FAM161B: variants seen among roughly 807,000 people sequenced by gnomAD.
The protein encoded by FAM161B is protein FAM161B.
A neutral mutation model predicts 61.5 loss-of-function variants in FAM161B; 46 were observed. That is an observed-to-expected ratio of 0.75 (90% confidence interval 0.59 to 0.96). The LOEUF (loss-of-function observed/expected upper bound fraction) is 0.96, where lower values mean the gene tolerates loss of function less well. FAM161B is among the 40% of genes least tolerant of loss of function. The pLI, the probability that FAM161B is intolerant of heterozygous loss-of-function variation, is 0.00. For synonymous variants in FAM161B, 284 were observed against 302.7 expected (o/e 0.94, Z 0.64); for missense variants, 774 against 800.7 (o/e 0.97, Z 0.40).
At chr14:73,923,414 C>G in the FAM161B span, 1 of 1,613,128 alleles carries the variant, frequency 6.2e-7, no homozygotes, top group Non-Finnish European at 8.5e-7. Flanking sequence ...CTGAAGGATC[C>G]CCACGTTCCC....
chr14:73,929,531 A>C (rs900694310), downstream of FAM161B, among the ~76,000 whole-genome samples: 1 of 152,192 alleles, frequency 6.6e-6, no homozygotes, highest in African/African-American at 2.4e-5. Context: ...CAAGAATATC[A>C]GAGAACAACC....
intron 1 of FAM161B, among the ~76,000 whole-genome samples, chr14:73,949,504 C>T (rs2056106706): frequency 6.6e-6 from 1 of 150,622 alleles, no homozygotes; most frequent in Non-Finnish European, 1.5e-5. Context: ...AGGCGTGAGC[C>T]AGCGCGCCTG....
Position 73,944,461 on chromosome 14 carries a change from G to C in FAM161B, c.799C>G (p.Gln267Glu). The C allele has an allele frequency of 6.2e-7, 1 of 1,613,808 alleles. No individual in the cohort carries two copies. The highest frequency in any genetic ancestry group is 8.5e-7 in the Non-Finnish European group (1 of 1,179,794). ...CTCTGTCGAGCAGCTTCCTTTAGCTGCTCCTCCTTCTCCAGGAAGCTGAAG... is the reference window on the plus strand; with the variant it reads ...CTCTGTCGAGCAGCTTCCTTTAGCTCCTCCTCCTTCTCCAGGAAGCTGAAG... Reference protein sequence around the residue: ...KPFSFLEKEEQLKEAARQRDL... With the variant: ...KPFSFLEKEEELKEAARQRDL... Residue 267 changes from glutamine (Q) to glutamate (E), a missense_variant, in exon 3 of 9, where the codon CAG becomes GAG. By Grantham distance (29) the Gln-to-Glu change is conservative. Coordinates refer to ENST00000286544, the MANE Select transcript of FAM161B (RefSeq NM_152445.3).
intron 1 of FAM161B, among the ~76,000 whole-genome samples, chr14:73,947,073 C>T (rs1039907366): frequency 3.3e-5 from 5 of 152,102 alleles, no homozygotes; most frequent in South Asian, 2.1e-4. Context: ...CATGTTCTAG[C>T]TAATTTGCAC....
At chr14:73,923,600 T>C in the FAM161B span, 1 of 1,515,658 alleles carries the variant, frequency 6.6e-7, no homozygotes, top group Non-Finnish European at 8.9e-7. Context: ...CCTGAAAAAG[T>C]CTCCAGTTTC....
Position 73,932,311 on chromosome 14 carries a change from T to A in FAM161B, c.*1945A>T, listed in dbSNP as rs1419721550. The A allele has an allele frequency of 2.9e-6, 1 of 340,230 alleles. No individual in the cohort carries two copies. The highest frequency in any genetic ancestry group is 8.1e-5 in the East Asian group (1 of 12,280). 21.1% of individuals were successfully genotyped at this position (340,230 alleles called of 1,614,324 possible). On this transcript the variant is annotated 3_prime_UTR_variant, in exon 9 of 9. Transcript: ENST00000286544. The stretch of plus-strand genomic sequence containing the variant: ...GGCTCTTGTTTTATACAAAATTTGT[T>A]TTCTTAGAGATTAAGAATTTAATCT...
At position 73,942,420 on chromosome 14, in the gene FAM161B, G is replaced by A; in HGVS notation, c.1221C>T (p.Asn407=). ...RNKPFLLRTA[N]LRHPQRPCDA... ...CACAGGGCCGCTGAGGGTGGCGCAGGTTGGCGGTCCTCAGCAAGAAGGGCT... is the reference window on the plus strand; with the variant it reads ...CACAGGGCCGCTGAGGGTGGCGCAGATTGGCGGTCCTCAGCAAGAAGGGCT... Residue 407 remains asparagine, a synonymous_variant, in exon 4 of 9, where the codon AAC becomes AAT. Coordinates refer to ENST00000286544, the MANE Select transcript of FAM161B (RefSeq NM_152445.3). 6.2e-7 allele frequency: 1 copy of A among 1,614,216 alleles called. No individual in the cohort carries two copies.
rs1470874842 is a variant in FAM161B at position 73,950,003 on chromosome 14, T to A, written c.24A>T (p.Gly8=). Residue 8 remains glycine (G), a synonymous_variant, in exon 1 of 9, where the codon GGA becomes GGT. Transcript: ENST00000286544. The stretch of plus-strand genomic sequence containing the variant: ...GGCTCCCCTCCGCGCCTCCGGGGGC[T>A]CCCTCAGGCCTCCCCACGGTCATTT... The part of the protein sequence containing the change: MTVGRPE[G]APGGAEGSRQ... The A allele has an allele frequency of 6.2e-7, 1 of 1,613,052 alleles. No homozygotes were observed. The highest frequency in any genetic ancestry group is 8.5e-7 in the Non-Finnish European group (1 of 1,180,004).
At chr14:73,949,879 C>G in intron 1 of FAM161B, 94 bp downstream of exon 1, 1 of 1,528,042 alleles carries the variant, frequency 6.5e-7, no homozygotes, top group Non-Finnish European at 8.8e-7. Context: ...CACGCCCCTC[C>G]GTGACACGCC....
At chr14:73,942,117 A>T (rs1232916650) in intron 4 of FAM161B, among the ~76,000 whole-genome samples, 1 of 152,032 alleles carries the variant, frequency 6.6e-6, no homozygotes, top group Non-Finnish European at 1.5e-5. Flanking sequence ...CAGCCTCCTG[A>T]ATGGCTGGAA....
At position 73,934,146 on chromosome 14, in the gene FAM161B, T is replaced by C. The variant is rs902449759; in HGVS notation, c.*110A>G. ...CTGTTAATCTGCTACTCTTCATTTG[T>C]CCATCCTCTAACAGTAGCCATGACT... On this transcript the variant is annotated 3_prime_UTR_variant, in exon 9 of 9. Transcript: ENST00000286544. The C allele has an allele frequency of 3.8e-6, 5 of 1,324,264 alleles. No individual in the cohort carries two copies. The African/African-American group carries it at 7.4e-5, about 20-fold the overall frequency. 82.0% of individuals were successfully genotyped at this position (1,324,264 alleles called of 1,614,324 possible).
downstream of FAM161B, among the ~76,000 whole-genome samples, chr14:73,929,442 TCAC>T (rs1276875192): frequency 2.6e-5 from 4 of 152,306 alleles, no homozygotes; most frequent in Admixed American, 2.6e-4. Context: ...TTTTTGGAGA[TCAC>T]CAAGCAGTAT....
the FAM161B span, among the ~76,000 whole-genome samples, chr14:73,924,509 T>G: frequency 2.6e-5 from 4 of 152,202 alleles, no homozygotes; most frequent in Admixed American, 6.5e-5. Flanking sequence ...TGCAAAGTGG[T>G]CAGTGTTTTA....
intron 3 of FAM161B, among the ~76,000 whole-genome samples, chr14:73,944,120 C>CA (rs1382745712): frequency 1.3e-5 from 2 of 152,306 alleles, no homozygotes; most frequent in East Asian, 3.9e-4. Flanking sequence ...GCCTTGGGGA[C>CA]ACTGTGGGAC....
chr14:73,949,585 C>G (rs1010529957), intron 1 of FAM161B, among the ~76,000 whole-genome samples: 24 of 150,906 alleles, frequency 1.6e-4, no homozygotes, highest in African/African-American at 5.9e-4. Context: ...TCTCGAACTC[C>G]TGACCTCAGG....
At position 73,946,278 on chromosome 14, in the gene FAM161B, T is replaced by C; in HGVS notation, c.374+8A>G. On this transcript the variant is annotated splice_region_variant and intron_variant, in intron 2 of 8. Coordinates refer to ENST00000286544, the MANE Select transcript of FAM161B (RefSeq NM_152445.3). ...GAGTGAGGCAGCCGTGGAGCTGCAG[T>C]GCCTTACCTCAGAGCCTGCGGGCAC... The C allele has an allele frequency of 6.2e-7, 1 of 1,608,210 alleles. No individual in the cohort carries two copies. Among genetic ancestry groups the C allele is most frequent in the East Asian group, 2.2e-5 (1 of 44,752 alleles).
chr14:73,940,988 G>C lies in FAM161B; in HGVS notation c.1338C>G (p.Leu446=). 5 of 1,613,580 alleles carry C rather than the reference G, an allele frequency of 3.1e-6. No individual in the cohort carries two copies. The highest frequency in any genetic ancestry group is 3.4e-6 in the Non-Finnish European group (4 of 1,179,642). Residue 446 remains leucine, a synonymous_variant, in exon 5 of 9, where the codon CTC becomes CTG. Transcript: ENST00000286544. ...TGTGCACAGGGAGAGTGTTGGCAGA[G>C]AGGGAAGCAAGGCCGCTCAGAGAAC... ...RSRSLSGLAS[L]SANTLPVHIT...
At chr14:73,936,281 A>G (rs926033576) in intron 7 of FAM161B, among the ~76,000 whole-genome samples, 193 bp from the exon 8 acceptor site, 1 of 152,194 alleles carries the variant, frequency 6.6e-6, no homozygotes, top group African/African-American at 2.4e-5. Flanking sequence ...GTCTTGTTAA[A>G]ATGCAGATTT....
At chr14:73,930,973 T>C (rs2055903429), downstream of FAM161B, among the ~76,000 whole-genome samples, 1 of 152,194 alleles carries the variant, frequency 6.6e-6, no homozygotes, top group South Asian at 2.1e-4. Context: ...GCCTTGTGTA[T>C]AGAGTAGAAT....
Sources: gnomAD v4.1 joint callset for allele counts (sites outside exome capture counted in the v4.1 genomes callset) on GRCh38, gnomAD v4.1.1 for gene constraint, MANE v1.5 for transcripts, NCBI Gene and HGNC (gene_info 2026-07-23, HGNC 2026-07-21) for gene names.